PLCB4: variants seen among roughly 807,000 people sequenced by gnomAD.
PLCB4 encodes phospholipase C beta 4, also known as 1-phosphatidylinositol 4,5-bisphosphate phosphodiesterase beta-4.
Under a neutral mutation model 178.8 loss-of-function variants are expected in PLCB4, and 77 were observed. That is an observed-to-expected ratio of 0.43 (90% confidence interval 0.36 to 0.52). The LOEUF (loss-of-function observed/expected upper bound fraction) is 0.52, where lower values mean the gene tolerates loss of function less well. Among genes scored for constraint, PLCB4 ranks in the 20% least tolerant of loss-of-function variants. PLCB4 has a pLI of 0.00. For synonymous variants in PLCB4, 496 were observed against 490.8 expected (o/e 1.01, Z -0.14); for missense variants, 1,024 against 1,453.4 (o/e 0.70, Z 4.80).
chr20:9,299,893 C>G (rs1025480475), intron 3 of PLCB4, among the ~76,000 whole-genome samples: 3 of 151,884 alleles, frequency 2.0e-5, no homozygotes, highest in African/African-American at 7.2e-5. Flanking sequence ...TGCCCTCACC[C>G]CATCCATCAA....
intron 4 of PLCB4, among the ~76,000 whole-genome samples, chr20:9,319,521 T>C (rs888849619): frequency 3.3e-5 from 5 of 152,130 alleles, no homozygotes; most frequent in African/African-American, 1.2e-4. Flanking sequence ...GTCTATAAGC[T>C]AGAGGCCTAG....
At chr20:9,268,665 G>T (rs1342499336) in intron 3 of PLCB4, among the ~76,000 whole-genome samples, 1 of 152,092 alleles carries the variant, frequency 6.6e-6, no homozygotes, top group East Asian at 1.9e-4. Flanking sequence ...ATGTTAAGGG[G>T]GAAAGACTAT....
intron 37 of PLCB4, 59 bp downstream of exon 37, chr20:9,472,906 G>A: frequency 1.0e-6 from 1 of 959,834 alleles, no homozygotes; most frequent in South Asian, 1.5e-5. Context: ...ACAATAACAT[G>A]CTTAGCCACC....
intron 13 of PLCB4, among the ~76,000 whole-genome samples, chr20:9,382,592 T>G (rs888910611): frequency 5.9e-5 from 9 of 152,188 alleles, no homozygotes; most frequent in Non-Finnish European, 1.2e-4. Context: ...GTCTTTGCAC[T>G]TGATGATCCT....
At chr20:9,358,512 C>T (rs1286969930) in intron 7 of PLCB4, among the ~76,000 whole-genome samples, 1 of 152,094 alleles carries the variant, frequency 6.6e-6, no homozygotes, top group Non-Finnish European at 1.5e-5. Flanking sequence ...AGATTGGAAC[C>T]CTAAGATTGG....
At chr20:9,372,816 A>T (rs77826500) in intron 11 of PLCB4, among the ~76,000 whole-genome samples, 8 of 150,276 alleles carry the variant, frequency 5.3e-5, no homozygotes, top group South Asian at 2.1e-4. Flanking sequence ...AAAAAAAAAA[A>T]TTGCAGACTT....
intron 2 of PLCB4, among the ~76,000 whole-genome samples, chr20:9,110,136 C>T (rs1238287040): frequency 6.6e-6 from 1 of 151,830 alleles, no homozygotes; most frequent in Non-Finnish European, 1.5e-5. Context: ...TTTGAAACTC[C>T]GCATAGAAAA....
At chr20:9,314,321 G>A (rs2094873781) in intron 4 of PLCB4, among the ~76,000 whole-genome samples, 1 of 152,182 alleles carries the variant, frequency 6.6e-6, no homozygotes, top group Non-Finnish European at 1.5e-5. Context: ...TTCCTTGTGG[G>A]AGTGGTCTGG....
intron 28 of PLCB4, among the ~76,000 whole-genome samples, chr20:9,430,161 A>G (rs2041301114): frequency 6.6e-6 from 1 of 152,264 alleles, no homozygotes; most frequent in Non-Finnish European, 1.5e-5. Context: ...GTGTTGGGCC[A>G]CATTCAAAGC....
chr20:9,384,456 T>G (rs758743046), intron 14 of PLCB4, 45 bp downstream of exon 14: 1 of 1,280,190 alleles, frequency 7.8e-7, no homozygotes, highest in South Asian at 1.2e-5. Context: ...TGTGATGCCC[T>G]TCAGTTTAAT....
intron 3 of PLCB4, among the ~76,000 whole-genome samples, chr20:9,245,626 AG>A (rs1452864055): frequency 4.6e-5 from 7 of 152,270 alleles, no homozygotes; most frequent in African/African-American, 1.2e-4. Flanking sequence ...AAGTTGGAAG[AG>A]GCAAGAAATG....
At chr20:9,424,648 G>A (rs2040869934) in intron 28 of PLCB4, among the ~76,000 whole-genome samples, 2 of 152,160 alleles carry the variant, frequency 1.3e-5, no homozygotes, top group South Asian at 2.1e-4. Flanking sequence ...GGGTGATCTT[G>A]GGAAGAGGAT....
At chr20:9,458,343 T>C (rs1297636626) in intron 34 of PLCB4, among the ~76,000 whole-genome samples, 1 of 152,234 alleles carries the variant, frequency 6.6e-6, no homozygotes, top group Non-Finnish European at 1.5e-5. Context: ...TCTTCTTAAC[T>C]GGAATGTTTG....
chr20:9,222,171 C>T (rs2093808178), intron 3 of PLCB4, among the ~76,000 whole-genome samples: 1 of 150,826 alleles, frequency 6.6e-6, no homozygotes, highest in South Asian at 2.1e-4. Flanking sequence ...CTCACTGCAC[C>T]CTGGAACTCC....
intron 2 of PLCB4, among the ~76,000 whole-genome samples, chr20:9,139,366 G>T (rs1004930729): frequency 2.6e-5 from 4 of 151,956 alleles, no homozygotes; most frequent in African/African-American, 4.8e-5. Context: ...TTCTCTGGGG[G>T]TTCATATGAG....
intron 2 of PLCB4, among the ~76,000 whole-genome samples, chr20:9,118,491 C>A (rs2091857483): frequency 6.6e-6 from 1 of 151,438 alleles, no homozygotes; most frequent in South Asian, 2.1e-4. Context: ...TATTTTCATG[C>A]ATAATCAATA....
chr20:9,414,313 G>T (rs530597169), intron 25 of PLCB4, among the ~76,000 whole-genome samples: 1 of 152,180 alleles, frequency 6.6e-6, no homozygotes, highest in Non-Finnish European at 1.5e-5. Flanking sequence ...CAGTGACAGG[G>T]AAAAGAGAAG....
At chr20:9,460,345 C>T (rs892266505) in intron 35 of PLCB4, among the ~76,000 whole-genome samples, 1 of 152,166 alleles carries the variant, frequency 6.6e-6, no homozygotes, top group Non-Finnish European at 1.5e-5. Context: ...AGAAAAGACA[C>T]ACAGAGAGAT....
chr20:9,373,685 C>T (rs972062379), intron 12 of PLCB4, among the ~76,000 whole-genome samples: 1 of 152,102 alleles, frequency 6.6e-6, no homozygotes, highest in Non-Finnish European at 1.5e-5. Flanking sequence ...TGTACTTTTT[C>T]TTTTTATAAC....
Sources: allele counts gnomAD v4.1 joint callset (sites outside exome capture counted in the v4.1 genomes callset), GRCh38; gene constraint gnomAD v4.1.1; transcripts MANE v1.5; gene names NCBI Gene and HGNC (gene_info 2026-07-23, HGNC 2026-07-21).